The following IKBKB variants were observed in gnomAD, a reference collection of about 807,000 sequenced individuals.
The protein encoded by IKBKB is inhibitor of nuclear factor kappa-B kinase subunit beta.
IKBKB carries 42 observed loss-of-function variants against 113.6 expected under a neutral mutation model. The observed-to-expected ratio is 0.37, with a 90% CI of 0.29 to 0.48. IKBKB has a LOEUF of 0.48. Ranked by LOEUF, IKBKB falls within the 20% of genes least tolerant of loss-of-function variation. The pLI is 0.99. For missense variants in IKBKB, 673 were observed against 939.7 expected (o/e 0.72, Z 3.71); for synonymous variants, 296 against 361.3 (o/e 0.82, Z 2.05).
intron 6 of IKBKB, 44 bp downstream of exon 6, chr8:42,305,319 C>G (rs200325880): frequency 1.6e-6 from 2 of 1,236,804 alleles, no homozygotes; most frequent in Non-Finnish European, 2.4e-6. Flanking sequence ...GTGGGCGTGC[C>G]GGGAAGTGGC....
At chr8:42,325,915 A>G in intron 19 of IKBKB, 55 bp from the exon 20 acceptor site, 1 of 1,608,686 alleles carries the variant, frequency 6.2e-7, no homozygotes, top group South Asian at 1.1e-5. Flanking sequence ...TGTGGCGTGA[A>G]TGCAAAATGT....
At chr8:42,319,546 T>G (rs1819375844) in intron 14 of IKBKB, 39 bp from the exon 15 acceptor site, 1 of 1,576,496 alleles carries the variant, frequency 6.3e-7, no homozygotes, top group Admixed American at 1.9e-5. Context: ...GTGTTTTTAT[T>G]TTGTTTTGTT....
chr8:42,286,295 G>A (rs1811407080), intron 2 of IKBKB, among the ~76,000 whole-genome samples: 1 of 152,086 alleles, frequency 6.6e-6, no homozygotes, highest in Non-Finnish European at 1.5e-5. Flanking sequence ...TTATTGGTCA[G>A]TGACTCAGTG....
At chr8:42,292,183 A>G (rs889088131) in intron 4 of IKBKB, among the ~76,000 whole-genome samples, 3 of 152,174 alleles carry the variant, frequency 2.0e-5, no homozygotes, top group Non-Finnish European at 4.4e-5. Context: ...GCAGCTGTGT[A>G]GAGATAAAGC....
intron 21 of IKBKB, chr8:42,329,606 C>G: frequency 4.1e-6 from 4 of 982,562 alleles, no homozygotes; most frequent in Non-Finnish European, 4.8e-6. Context: ...CTTATTTAAT[C>G]CTTGGAACAC....
At chr8:42,292,716 G>C (rs544651198) in intron 4 of IKBKB, among the ~76,000 whole-genome samples, 1 of 152,306 alleles carries the variant, frequency 6.6e-6, no homozygotes, top group Admixed American at 6.5e-5. Flanking sequence ...GCAGCACACA[G>C]AGCCTCTTGA....
intron 5 of IKBKB, chr8:42,298,402 C>T (rs1814374508): frequency 1.0e-6 from 1 of 985,284 alleles, no homozygotes; most frequent in Non-Finnish European, 1.2e-6. Flanking sequence ...TAGCAGGCAT[C>T]CAGGACTTCA....
chr8:42,275,787 CT>C (rs1254309828), intron 2 of IKBKB, among the ~76,000 whole-genome samples: 1 of 152,118 alleles, frequency 6.6e-6, no homozygotes, highest in African/African-American at 2.4e-5. Flanking sequence ...ATTTCCTTTC[CT>C]TTGGATAGAT....
intron 7 of IKBKB, 92 bp from the exon 8 acceptor site, chr8:42,308,809 C>A: frequency 7.8e-7 from 1 of 1,281,286 alleles, no homozygotes; most frequent in Non-Finnish European, 1.1e-6. Context: ...TAGGATGAAG[C>A]CAGGGGTGAA....
At position 42,288,742 on chromosome 8, in the gene IKBKB, G is replaced by C. The variant is rs200656504; in HGVS notation, c.200+14G>C. 4 of 1,593,008 alleles carry C rather than the reference G, an allele frequency of 2.5e-6. No individual in the cohort carries two copies. Among genetic ancestry groups the C allele is most frequent in the Non-Finnish European group, 3.4e-6 (4 of 1,166,514 alleles). ...GATCATGAGAAGGTGAGGGCCTCGC[G>C]CATAGGGACCCAAGGGAAAGCTGGA... On this transcript the variant is annotated intron_variant, in intron 3 of 21. Coordinates refer to ENST00000520810, the MANE Select transcript of IKBKB (RefSeq NM_001556.3).
rs566437191 is a variant in IKBKB, at chr8:42,309,531, G to A, written c.692+506G>A. Reference sequence around the variant, plus strand: ...GCACTTTGGGAGGCCGAGGCAGGTGGATCAGTTGAGGCCAGCAGTTCCAGA... The same window carrying A: ...GCACTTTGGGAGGCCGAGGCAGGTGAATCAGTTGAGGCCAGCAGTTCCAGA... On this transcript the variant is annotated intron_variant, in intron 8 of 21. Coordinates refer to ENST00000520810, the MANE Select transcript of IKBKB (RefSeq NM_001556.3). The A allele has an allele frequency of 8.1e-4, 318 of 390,942 alleles. No homozygotes were observed. The Middle Eastern group carries it at 0.014, about 18-fold the overall frequency. The allele number at this position is 390,942 out of a possible 1,614,324, so 24.2% of individuals were successfully genotyped here. A position where few individuals can be genotyped will look rare whatever the true frequency, so the allele number is the denominator to read the frequency against.
In IKBKB at chr8:42,290,236, T is replaced by C; in HGVS notation, c.281T>C (p.Leu94Pro). ...QNLAPNDLPLLAMEYCQGGDL... is the reference protein window; with the variant it reads ...QNLAPNDLPLPAMEYCQGGDL... The stretch of plus-strand genomic sequence containing the variant: ...TTGGCGCCCAATGACCTGCCCCTGC[T>C]GGCCATGGAGTACTGCCAAGGAGGA... Residue 94 changes from leucine (L) to proline (P), a missense_variant, in exon 4 of 22, where the codon CTG (leucine) becomes CCG (proline). Physicochemically the swap from Leu to Pro is moderately conservative, Grantham distance 98. Around this residue, in one of 2 missense-constraint regions of IKBKB, gnomAD observed 167 missense variants for 301.0 expected, o/e 0.55. Coordinates refer to ENST00000520810, the MANE Select transcript of IKBKB (RefSeq NM_001556.3). 1.2e-6 allele frequency: 2 copies of C among 1,613,678 alleles called. No homozygotes were observed. Among genetic ancestry groups the C allele is most frequent in the Non-Finnish European group, 1.7e-6 (2 of 1,179,844 alleles).
chr8:42,310,500 T>G (rs772495057), intron 8 of IKBKB, among the ~76,000 whole-genome samples: 10 of 152,274 alleles, frequency 6.6e-5, no homozygotes, highest in Admixed American at 3.9e-4. Flanking sequence ...GGTAGCATTA[T>G]CTGAACACGG....
Position 42,327,632 on chromosome 8 carries a change from C to CTT in IKBKB, c.2115-1476_2115-1475dup, listed in dbSNP as rs746891907. Among the ~76,000 whole-genome samples the CTT allele has an allele frequency of 1.8e-3, 226 of 122,846 alleles. 3 individuals carry two copies. The Middle Eastern group carries it at 0.024, about 13-fold the overall frequency. 80.6% of individuals were successfully genotyped at this position (122,846 alleles called of 152,430 possible). On this transcript the variant is annotated intron_variant, in intron 20 of 21. Transcript: ENST00000520810. ...ACAGGCATGAGCCACTGCACCCAGC[C>CTT]TTTTTTTTTTTTTTTTTGAAATGGA...
At chr8:42,289,125 G>T (rs1812040749) in intron 3 of IKBKB, among the ~76,000 whole-genome samples, 1 of 152,204 alleles carries the variant, frequency 6.6e-6, no homozygotes. Context: ...TGAGGCAGGA[G>T]AATGGCGTGA....
At chr8:42,289,130 G>A (rs915907268) in intron 3 of IKBKB, among the ~76,000 whole-genome samples, 9 of 152,182 alleles carry the variant, frequency 5.9e-5, no homozygotes, top group African/African-American at 2.2e-4. Context: ...CAGGAGAATG[G>A]CGTGAACCCA....
chr8:42,320,673 A>C, intron 15 of IKBKB, 62 bp from the exon 16 acceptor site: 1 of 1,364,456 alleles, frequency 7.3e-7, no homozygotes, highest in East Asian at 2.3e-5. Context: ...GCTCCCCCGC[A>C]GATCTTGCAT....
chr8:42,285,786 C>T (rs2130243024), intron 2 of IKBKB, among the ~76,000 whole-genome samples: 1 of 152,296 alleles, frequency 6.6e-6, no homozygotes, highest in Non-Finnish European at 1.5e-5. Context: ...GCCTTGGAAA[C>T]AGTGCTCAGG....
chr8:42,290,152 C>T lies in IKBKB; in HGVS notation c.201-4C>T, dbSNP rs1253000917. ...TCTGCTCTCATCGGTTTTCCTCCTC[C>T]TAGGCTGACCCACCCCAATGTGGTG... On this transcript the variant is annotated splice_region_variant and splice_polypyrimidine_tract_variant and intron_variant, in intron 3 of 21. Transcript: ENST00000520810. 1 of 1,611,492 alleles carries T rather than the reference C, an allele frequency of 6.2e-7. No individual in the cohort carries two copies. Among genetic ancestry groups the T allele is most frequent in the African/African-American group, 1.3e-5 (1 of 74,876 alleles).
Sources: gnomAD v4.1 joint callset for allele counts (sites outside exome capture counted in the v4.1 genomes callset) on GRCh38, gnomAD v4.1.1 for gene constraint, gnomAD v4.1.1 regional missense constraint, MANE v1.5 for transcripts, NCBI Gene and HGNC (gene_info 2026-07-23, HGNC 2026-07-21) for gene names.